Variants in RLIM observed in about 807,000 individuals in gnomAD.
RLIM encodes E3 ubiquitin-protein ligase RLIM.
Under a neutral mutation model 34.0 loss-of-function variants are expected in RLIM, and 2 were observed. The observed-to-expected ratio is 0.06, with a 90% confidence interval of 0.02 to 0.19. RLIM has a LOEUF of 0.19. RLIM is among the 10% of genes least tolerant of loss of function. The probability of loss-of-function intolerance (pLI) is 1.00; values close to 1 mark genes in which losing one functional copy is unlikely to be tolerated. For synonymous variants in RLIM, 169 were observed against 164.0 expected (o/e 1.03, Z -0.23); for missense variants, 286 against 479.7 (o/e 0.60, Z 3.77).
chrX:74,595,724 G>A, intron 2 of RLIM, 85 bp downstream of exon 2: 1 of 692,044 alleles, frequency 1.4e-6, no homozygotes, highest in Non-Finnish European at 2.1e-6. Flanking sequence ...AAGGGCTAAA[G>A]AAATGGATTT....
Position 74,584,313 on chromosome X carries a change from T to C in RLIM, c.*7127A>G, listed in dbSNP as rs2147367534. 8.9e-6 allele frequency among the ~76,000 whole-genome samples: 1 copy of C among 112,028 alleles called. No individual in the cohort carries two copies. The highest frequency in any genetic ancestry group is 3.2e-5 in the African/African-American group (1 of 30,890). On this transcript the variant is annotated 3_prime_UTR_variant, in exon 4 of 4. Coordinates refer to ENST00000332687, the MANE Select transcript of RLIM (RefSeq NM_016120.4). ...ACATCTGTATCTCAGCTGCATTACCTATAAAATGGGTGGTATACTTTCACC... is the reference window on the plus strand; with the variant it reads ...ACATCTGTATCTCAGCTGCATTACCCATAAAATGGGTGGTATACTTTCACC...
At chrX:74,604,093 C>T (rs921366408) in intron 1 of RLIM, among the ~76,000 whole-genome samples, 2 of 100,261 alleles carry the variant, frequency 2.0e-5, no homozygotes, top group East Asian at 6.8e-4. Flanking sequence ...CCAGCCTGGG[C>T]GACAGAGTAG....
intron 1 of RLIM, among the ~76,000 whole-genome samples, chrX:74,607,467 C>A (rs1055827669): frequency 2.7e-5 from 3 of 112,921 alleles, no homozygotes; most frequent in African/African-American, 9.6e-5. Flanking sequence ...CCCAACACTT[C>A]GGGAGGCCGA....
chrX:74,612,904 T>G (rs773314309), intron 1 of RLIM, among the ~76,000 whole-genome samples: 1 of 111,798 alleles, frequency 8.9e-6, no homozygotes, highest in Non-Finnish European at 1.9e-5. Flanking sequence ...CAGTAATTAT[T>G]TTCAGATTCT....
In RLIM at chrX:74,592,988, T is replaced by G. The variant is rs140013732; in HGVS notation, c.327A>C (p.Gly109=). 3.8e-5 allele frequency: 46 copies of G among 1,208,375 alleles called. No homozygotes were observed. In the African/African-American group the frequency reaches 3.8e-4, roughly 10 times the overall value. The stretch of plus-strand genomic sequence containing the variant: ...CTCTTTGCCCACTTCTTGTTGTATT[T>G]CCAGTTTGTCTGACAGAGTTAAGCC... ...IDWLNSVRQT[G]NTTRSGQRGN... is the part of the protein sequence containing the mutation. The change falls in exon 4 of 4, where the codon GGA becomes GGC. Residue 109 remains glycine, a synonymous_variant. Coordinates refer to ENST00000332687, the MANE Select transcript of RLIM (RefSeq NM_016120.4).
chrX:74,609,486 TC>T (rs2079697546), intron 1 of RLIM, among the ~76,000 whole-genome samples: 2 of 16,497 alleles, frequency 1.2e-4, no homozygotes, highest in African/African-American at 5.7e-4. Flanking sequence ...AGACTCCGTT[TC>T]AAAAAAAAAA....
chrX:74,591,984 C>G lies in RLIM; in HGVS notation c.1331G>C (p.Ser444Thr). 8.3e-7 allele frequency: 1 copy of G among 1,211,717 alleles called. No homozygotes were observed. Among genetic ancestry groups the G allele is most frequent in the African/African-American group, 1.7e-5 (1 of 57,767 alleles). ...NRNMERAESRSGRGGSGGGSS... is the reference protein window; with the variant it reads ...NRNMERAESRTGRGGSGGGSS... The stretch of plus-strand genomic sequence containing the variant: ...ACCACCACCAGAACCTCCTCTTCCA[C>G]TCCGTGACTCTGCCCTTTCCATATT... Residue 444 changes from serine (S) to threonine (T), a missense_variant, in exon 4 of 4, where the codon AGT (serine) becomes ACT (threonine). Transcript: ENST00000332687.
intron 1 of RLIM, among the ~76,000 whole-genome samples, chrX:74,613,466 G>A (rs1344557087): frequency 1.8e-5 from 2 of 110,311 alleles, no homozygotes; most frequent in Admixed American, 1.9e-4. Context: ...GAATAAGTAT[G>A]GTGAAACTGT....
intron 1 of RLIM, among the ~76,000 whole-genome samples, chrX:74,610,936 G>A (rs1181179589): frequency 9.1e-6 from 1 of 110,470 alleles, no homozygotes; most frequent in Non-Finnish European, 1.9e-5. Flanking sequence ...TACCTCAATT[G>A]ATAAAAAGAG....
chrX:74,613,588 C>T (rs1447944551), intron 1 of RLIM, among the ~76,000 whole-genome samples: 1 of 106,547 alleles, frequency 9.4e-6, no homozygotes, highest in Non-Finnish European at 1.9e-5. Context: ...AGTTACTAAG[C>T]TATGGCATGC....
chrX:74,596,437 G>T (rs1211488812), intron 1 of RLIM, among the ~76,000 whole-genome samples: 1 of 111,221 alleles, frequency 9.0e-6, no homozygotes, highest in Non-Finnish European at 1.9e-5. Flanking sequence ...GTAGAGACAG[G>T]GTTTCACCAT....
intron 1 of RLIM, among the ~76,000 whole-genome samples, chrX:74,607,098 C>T (rs1464885924): frequency 1.9e-5 from 2 of 104,835 alleles, no homozygotes; most frequent in Admixed American, 2.2e-4. Context: ...ACTCAGATCA[C>T]GTCACAGCAG....
chrX:74,607,799 TGA>T (rs1308512850), intron 1 of RLIM, among the ~76,000 whole-genome samples: 1 of 112,766 alleles, frequency 8.9e-6, no homozygotes, highest in Non-Finnish European at 1.9e-5. Context: ...TAAGAACTAG[TGA>T]CATGTGATCT....
rs182440940 is a variant in RLIM, at chrX:74,595,703, T to A, written c.169+106A>T. On this transcript the variant is annotated intron_variant, in intron 2 of 3. Transcript: ENST00000332687. The stretch of plus-strand genomic sequence containing the variant: ...GTCATTCCATATCCCCTATGTTAAA[T>A]AATATTTCATAAGGGCTAAAGAAAT... 3.0e-3 allele frequency: 1,608 copies of A among 537,636 alleles called. 26 individuals carry two copies. The African/African-American group carries it at 0.035, about 12-fold the overall frequency. The allele number at this position is 537,636 out of a possible 1,213,427, so 44.3% of individuals were successfully genotyped here. A position where few individuals can be genotyped will look rare whatever the true frequency, so the allele number is the denominator to read the frequency against.
At position 74,583,001 on chromosome X, in the gene RLIM, A is replaced by G. The variant is rs1247893239; in HGVS notation, c.*8439T>C. On this transcript the variant is annotated 3_prime_UTR_variant, in exon 4 of 4. Transcript: ENST00000332687. ...TTCAGTTTCCTTCTTTTATATTTTG[A>G]TATTTTTTTCCATATTTAAGTTTTT... is the stretch of plus-strand genomic sequence containing the variant. 1.9e-6 allele frequency: 1 copy of G among 528,460 alleles called. No homozygotes were observed. Among genetic ancestry groups the G allele is most frequent in the African/African-American group, 3.6e-5 (1 of 27,642 alleles). The allele number at this position is 528,460 out of a possible 1,213,427, so 43.6% of individuals were successfully genotyped here.
intron 1 of RLIM, among the ~76,000 whole-genome samples, chrX:74,607,751 AC>A (rs1308370029): frequency 3.6e-5 from 4 of 111,676 alleles, no homozygotes; most frequent in African/African-American, 1.3e-4. Context: ...ACACACACAC[AC>A]AAAAAAAACA....
intron 1 of RLIM, among the ~76,000 whole-genome samples, chrX:74,613,638 C>CA (rs2079721870): frequency 1.1e-5 from 1 of 87,603 alleles, no homozygotes; most frequent in Non-Finnish European, 2.2e-5. Flanking sequence ...CCCCCCTAGG[C>CA]TTTTTTTTTT....
At chrX:74,604,052 T>G (rs2079672403) in intron 1 of RLIM, among the ~76,000 whole-genome samples, 1 of 108,230 alleles carries the variant, frequency 9.2e-6, no homozygotes, top group Non-Finnish European at 1.9e-5. Context: ...GAGGCGGAGG[T>G]TGCAGTAAGC....
rs2079618376 is a variant in RLIM at position 74,592,004 on chromosome X, C to T, written c.1311G>A (p.Met437Ile). The T allele has an allele frequency of 2.5e-6, 3 of 1,211,657 alleles. No individual in the cohort carries two copies. Among genetic ancestry groups the T allele is most frequent in the Middle Eastern group, 4.6e-4 (2 of 4,352 alleles). Residue 437 changes from methionine (M) to isoleucine (I), a missense_variant, in exon 4 of 4, where the codon ATG (methionine) becomes ATA (isoleucine). This residue lies in a region of RLIM where 69 missense variants were observed against 83.5 expected (regional missense o/e 0.83). Coordinates refer to ENST00000332687, the MANE Select transcript of RLIM (RefSeq NM_016120.4). ...EPTGSVSNRN[M>I]ERAESRSGRG... ...TTCCACTCCGTGACTCTGCCCTTTC[C>T]ATATTTCGATTTGAGACTGAGCCAG...
Sources: allele counts gnomAD v4.1 joint callset (sites outside exome capture counted in the v4.1 genomes callset), GRCh38; gene constraint gnomAD v4.1.1; regional missense constraint gnomAD v4.1.1; transcripts MANE v1.5; gene names NCBI Gene and HGNC (gene_info 2026-07-23, HGNC 2026-07-21).